The following KCNU1 variants were observed in gnomAD, a reference collection of about 807,000 sequenced individuals.
KCNU1 encodes the protein potassium calcium-activated channel subfamily U member 1.
A neutral mutation model predicts 126.8 loss-of-function variants in KCNU1; 93 were observed. The ratio of observed to expected loss-of-function variants is 0.73; its 90% CI spans 0.62 to 0.87. The LOEUF (loss-of-function observed/expected upper bound fraction) is 0.87, where lower values mean the gene tolerates loss of function less well. KCNU1 is among the 40% of genes least tolerant of loss of function. The pLI is 0.00. For missense variants in KCNU1, 1,330 were observed against 1,367.1 expected (o/e 0.97, Z 0.43); for synonymous variants, 523 against 494.2 (o/e 1.06, Z -0.77).
At chr8:36,893,327 C>CT (rs768832342) in intron 19 of KCNU1, among the ~76,000 whole-genome samples, 3,310 of 138,228 alleles carry the variant, frequency 0.024, 94 homozygotes, top group African/African-American at 0.068. Context: ...TTTTATGGGT[C>CT]TTTTTTTTTT....
At chr8:36,879,790 G>A (rs1425180891) in intron 19 of KCNU1, among the ~76,000 whole-genome samples, 1 of 152,186 alleles carries the variant, frequency 6.6e-6, no homozygotes, top group Non-Finnish European at 1.5e-5. Flanking sequence ...CTTTGCTCAA[G>A]TCACTTTCTC....
chr8:36,841,644 T>G (rs1348525510), intron 16 of KCNU1, among the ~76,000 whole-genome samples: 2 of 152,128 alleles, frequency 1.3e-5, no homozygotes, highest in African/African-American at 2.4e-5. Context: ...TGCAGTGAGC[T>G]GAGTTCACAC....
intron 19 of KCNU1, among the ~76,000 whole-genome samples, chr8:36,894,032 T>C (rs1807082977): frequency 6.6e-6 from 1 of 152,118 alleles, no homozygotes; most frequent in Non-Finnish European, 1.5e-5. Context: ...ATATAGATAA[T>C]TCATGAAAAA....
intron 10 of KCNU1, among the ~76,000 whole-genome samples, chr8:36,820,870 G>C (rs758839064): frequency 2.6e-5 from 4 of 152,074 alleles, no homozygotes; most frequent in African/African-American, 9.7e-5. Flanking sequence ...CAGGCAAAGG[G>C]GCTGCAAAGA....
rs1216880068 is a variant in KCNU1, at chr8:36,879,238, T to TATAC, written c.2009+14718_2009+14719insTACA. On this transcript the variant is annotated intron_variant, in intron 19 of 26. Coordinates refer to ENST00000399881, the MANE Select transcript of KCNU1 (RefSeq NM_001031836.3). ...ATATATATATATATATATATATATA[T>TATAC]ACACACACATATATGAAATATATGA... Among the ~76,000 whole-genome samples the TATAC allele has an allele frequency of 6.8e-4, 95 of 139,334 alleles. 1 individual carries two copies. Among genetic ancestry groups the TATAC allele is most frequent in the Middle Eastern group, 3.7e-3 (1 of 268 alleles). The allele number at this position is 139,334 out of a possible 152,430, so 91.4% of individuals were successfully genotyped here.
chr8:36,908,869 C>G (rs529307984), intron 20 of KCNU1, among the ~76,000 whole-genome samples: 3 of 152,066 alleles, frequency 2.0e-5, no homozygotes, highest in African/African-American at 4.8e-5. Context: ...TGTTATACAG[C>G]TTGCTGTAAT....
intron 18 of KCNU1, among the ~76,000 whole-genome samples, chr8:36,857,685 C>T (rs931535399): frequency 1.3e-5 from 2 of 151,684 alleles, no homozygotes; most frequent in African/African-American, 4.8e-5. Context: ...TTGCTCTGTT[C>T]CACAGGCTGG....
intron 2 of KCNU1, among the ~76,000 whole-genome samples, chr8:36,794,393 C>T (rs992565855): frequency 6.6e-6 from 1 of 152,078 alleles, no homozygotes; most frequent in Non-Finnish European, 1.5e-5. Context: ...ATTCTACATA[C>T]ATAAATATAT....
intron 19 of KCNU1, among the ~76,000 whole-genome samples, chr8:36,879,973 C>G (rs867972838): frequency 1.3e-5 from 2 of 152,276 alleles, no homozygotes; most frequent in Middle Eastern, 6.8e-3. Flanking sequence ...AGCACTCCAG[C>G]GTACAGCAAC....
intron 19 of KCNU1, among the ~76,000 whole-genome samples, chr8:36,895,545 T>A (rs1231483335): frequency 6.6e-6 from 1 of 152,170 alleles, no homozygotes; most frequent in Non-Finnish European, 1.5e-5. Flanking sequence ...AAAGCAGAGC[T>A]AACATGTGAA....
At chr8:36,852,071 G>A (rs1437155581) in intron 18 of KCNU1, among the ~76,000 whole-genome samples, 1 of 151,906 alleles carries the variant, frequency 6.6e-6, no homozygotes, top group African/African-American at 2.4e-5. Context: ...TATTGTCAAG[G>A]TTTTTTCTCA....
intron 18 of KCNU1, among the ~76,000 whole-genome samples, chr8:36,847,618 C>A (rs1157703444): frequency 6.6e-6 from 1 of 152,148 alleles, no homozygotes; most frequent in Non-Finnish European, 1.5e-5. Flanking sequence ...ATCCTCCAGT[C>A]TCATACATGT....
chr8:36,819,611 T>G (rs1804047982), intron 10 of KCNU1, among the ~76,000 whole-genome samples: 1 of 152,174 alleles, frequency 6.6e-6, no homozygotes, highest in Non-Finnish European at 1.5e-5. Context: ...TTCTTTGTGC[T>G]CCAAAGCTCT....
intron 7 of KCNU1, among the ~76,000 whole-genome samples, chr8:36,809,151 C>T (rs183678742): frequency 8.5e-5 from 13 of 152,256 alleles, no homozygotes; most frequent in African/African-American, 3.1e-4. Flanking sequence ...GGATTTCAGA[C>T]TTATAAATGC....
At chr8:36,819,603 C>T (rs1047000866) in intron 10 of KCNU1, among the ~76,000 whole-genome samples, 4 of 152,012 alleles carry the variant, frequency 2.6e-5, no homozygotes, top group African/African-American at 9.7e-5. Flanking sequence ...TTTGTTTGTT[C>T]TTTGTGCTCC....
At chr8:36,819,455 T>C (rs1262358124) in intron 10 of KCNU1, among the ~76,000 whole-genome samples, 1 of 152,156 alleles carries the variant, frequency 6.6e-6, no homozygotes, top group East Asian at 1.9e-4. Flanking sequence ...CCTCAATCCT[T>C]ATATACATTT....
chr8:36,864,437 A>G lies in KCNU1; in HGVS notation c.1925A>G (p.Lys642Arg). ...PSVKRMKKCL[K>R]GISSRISGQD... ...GTAAAGAGAATGAAAAAATGTCTGA[A>G]GGGAATCTCCTCTCGTATATCAGGG... is the stretch of plus-strand genomic sequence containing the variant. Residue 642 changes from lysine to arginine, a missense_variant, in exon 19 of 27, where the codon AAG becomes AGG. Lys to Arg is a conservative substitution (Grantham distance 26). Coordinates refer to ENST00000399881, the MANE Select transcript of KCNU1 (RefSeq NM_001031836.3). 1 of 1,612,070 alleles carries G rather than the reference A, an allele frequency of 6.2e-7. No individual in the cohort carries two copies. Among genetic ancestry groups the G allele is most frequent in the Non-Finnish European group, 8.5e-7 (1 of 1,178,294 alleles).
intron 18 of KCNU1, among the ~76,000 whole-genome samples, chr8:36,860,091 A>G (rs1805675151): frequency 6.6e-6 from 1 of 151,642 alleles, no homozygotes; most frequent in Non-Finnish European, 1.5e-5. Context: ...ATTTTTTTTA[A>G]ATTTGAGATG....
At chr8:36,910,693 T>C (rs1350848611) in intron 21 of KCNU1, among the ~76,000 whole-genome samples, 1 of 152,214 alleles carries the variant, frequency 6.6e-6, no homozygotes, top group Non-Finnish European at 1.5e-5. Flanking sequence ...CACTCTCCTC[T>C]GTCTCATCCA....
Sources: gnomAD v4.1 joint callset for allele counts (sites outside exome capture counted in the v4.1 genomes callset) on GRCh38, gnomAD v4.1.1 for gene constraint, MANE v1.5 for transcripts, NCBI Gene and HGNC (gene_info 2026-07-23, HGNC 2026-07-21) for gene names.